SHE: variants seen among roughly 807,000 people sequenced by gnomAD.
SHE encodes SH2 domain-containing adapter protein E.
A neutral mutation model predicts 49.8 loss-of-function variants in SHE; 11 were observed. The observed-to-expected ratio is 0.22, with a 90% CI of 0.14 to 0.37. The LOEUF is 0.37. Ranked by LOEUF, SHE falls within the 10% of genes least tolerant of loss-of-function variation. The pLI is 1.00. For synonymous variants in SHE, 310 were observed against 278.1 expected, an observed-to-expected ratio of 1.11 and a Z score of -1.14; for missense variants, 624 against 655.5, an observed-to-expected ratio of 0.95 and a Z score of 0.52.
chr1:154,499,167 T>A lies in SHE; in HGVS notation c.663A>T (p.Arg221Ser). ...KRTKGQRDAE[R>S]VGENDGYMEP... ...CCATGTAACCGTCGTTCTCTCCGACTCTCTCTGCATCCCTTTGACCCTTTG... is the reference window on the plus strand; with the variant it reads ...CCATGTAACCGTCGTTCTCTCCGACACTCTCTGCATCCCTTTGACCCTTTG... Residue 221 changes from arginine (R) to serine (S), a missense_variant, in exon 2 of 6, where the codon AGA (arginine) becomes AGT (serine). Physicochemically the swap from Arg to Ser is moderately radical, Grantham distance 110. This residue lies in a region of SHE where 337 missense variants were observed against 306.0 expected (regional missense o/e 1.10). Coordinates refer to ENST00000304760, the MANE Select transcript of SHE (RefSeq NM_001010846.3). The A allele has an allele frequency of 6.2e-7, 1 of 1,614,214 alleles. No homozygotes were observed. The highest frequency in any genetic ancestry group is 8.5e-7 in the Non-Finnish European group (1 of 1,180,024).
chr1:154,486,206 A>AACAG, intron 4 of SHE, 144 bp from the exon 5 acceptor site: 1 of 1,172,480 alleles, frequency 8.5e-7, no homozygotes, highest in East Asian at 2.5e-5. Flanking sequence ...TCACATTCAG[A>AACAG]ACAGACAAAA....
chr1:154,484,423 T>C, intron 5 of SHE, 88 bp from the exon 6 acceptor site: 4 of 1,128,086 alleles, frequency 3.5e-6, no homozygotes, highest in Non-Finnish European at 5.2e-6. Flanking sequence ...TCACACTAGG[T>C]TGATAGGTTC....
chr1:154,481,903 G>A lies in SHE; in HGVS notation c.*2246C>T. On this transcript the variant is annotated 3_prime_UTR_variant, in exon 6 of 6. Transcript: ENST00000304760. ...CTCACTCTGTCACTCAGGCTGGAGTGCAATGGTGCGATCATGGCTCGCTGC... is the reference window on the plus strand; with the variant it reads ...CTCACTCTGTCACTCAGGCTGGAGTACAATGGTGCGATCATGGCTCGCTGC... 1.6e-6 allele frequency: 1 copy of A among 634,264 alleles called. No homozygotes were observed. 39.3% of individuals were successfully genotyped at this position (634,264 alleles called of 1,614,324 possible).
Position 154,483,367 on chromosome 1 carries a change from C to T in SHE, c.*782G>A, listed in dbSNP as rs1283100547. The stretch of plus-strand genomic sequence containing the variant: ...GAGGGAGAAAGACCACCTTCTTGCC[C>T]GTCATTCACATTTTCTCCCGCTCAT... On this transcript the variant is annotated 3_prime_UTR_variant, in exon 6 of 6. Coordinates refer to ENST00000304760, the MANE Select transcript of SHE (RefSeq NM_001010846.3). 2.3e-5 allele frequency: 23 copies of T among 985,246 alleles called. No individual in the cohort carries two copies. Among genetic ancestry groups the T allele is most frequent in the East Asian group, 2.3e-4 (2 of 8,828 alleles). The allele number at this position is 985,246 out of a possible 1,614,324, so 61.0% of individuals were successfully genotyped here. A position where few individuals can be genotyped will look rare whatever the true frequency, so the allele number is the denominator to read the frequency against.
Position 154,484,089 on chromosome 1 carries a change from G to GT in SHE, c.*59dup, listed in dbSNP as rs1370254328. 3.8e-6 allele frequency: 6 copies of GT among 1,573,278 alleles called. No homozygotes were observed. The African/African-American group carries it at 8.1e-5, about 21-fold the overall frequency. On this transcript the variant is annotated 3_prime_UTR_variant, in exon 6 of 6. Coordinates refer to ENST00000304760, the MANE Select transcript of SHE (RefSeq NM_001010846.3). ...TCCAGCCTTGTCCTCTGAGATGCTGGTTGTGCGCTGATGATGCCCTTGAAG... is the reference window on the plus strand; with the variant it reads ...TCCAGCCTTGTCCTCTGAGATGCTGGTTTGTGCGCTGATGATGCCCTTGAAG...
downstream of SHE, among the ~76,000 whole-genome samples, chr1:154,476,052 C>T (rs1409362525): frequency 2.0e-5 from 3 of 152,228 alleles, no homozygotes; most frequent in Non-Finnish European, 2.9e-5. Context: ...AGTACACCAT[C>T]TGAAGCAGTC....
At chr1:154,470,234 GGGGCACGGGAGT>G in exon 2 of SHE, 1 of 1,136,964 alleles carries the variant, frequency 8.8e-7, no homozygotes, top group Non-Finnish European at 1.2e-6. Flanking sequence ...GGCCATGGAG[GGGGCACGGGAGT>G]GGGCACTGGA....
Position 154,483,969 on chromosome 1 carries a change from G to A in SHE, c.*180C>T, listed in dbSNP as rs1339164877. On this transcript the variant is annotated 3_prime_UTR_variant, in exon 6 of 6. Coordinates refer to ENST00000304760, the MANE Select transcript of SHE (RefSeq NM_001010846.3). ...GCCAAGATTGCGCCATTGCACTCCA[G>A]CCTGGGCAACACAGCGAGACTTCGT... is the stretch of plus-strand genomic sequence containing the variant. 4 of 1,404,632 alleles carry A rather than the reference G, an allele frequency of 2.8e-6. No homozygotes were observed. Among genetic ancestry groups the A allele is most frequent in the Non-Finnish European group, 3.7e-6 (4 of 1,080,274 alleles). The allele number at this position is 1,404,632 out of a possible 1,614,324, so 87.0% of individuals were successfully genotyped here. A position where few individuals can be genotyped will look rare whatever the true frequency, so the allele number is the denominator to read the frequency against.
downstream of SHE, among the ~76,000 whole-genome samples, chr1:154,478,428 C>CA (rs10594379): frequency 0.012 from 1,319 of 113,308 alleles, 40 homozygotes; most frequent in African/African-American, 0.047. Context: ...ATAAAAAGTG[C>CA]AAAAAAAAAA....
At chr1:154,485,582 A>G (rs1692151224) in intron 5 of SHE, 2 of 169,192 alleles carry the variant, frequency 1.2e-5, no homozygotes, top group South Asian at 1.7e-4. Flanking sequence ...AGTCCCCAAT[A>G]CTAGGGAATA....
chr1:154,481,849 TTTTG>T lies in SHE; in HGVS notation c.*2296_*2299del, dbSNP rs1692026199. 1 of 959,580 alleles carries T rather than the reference TTTTG, an allele frequency of 1.0e-6. No individual in the cohort carries two copies. The highest frequency in any genetic ancestry group is 4.8e-5 in the South Asian group (1 of 20,718). 59.4% of individuals were successfully genotyped at this position (959,580 alleles called of 1,614,324 possible). The stretch of plus-strand genomic sequence containing the variant: ...TCTGAAAAAAACATTCCTTTTGGTT[TTTTG>T]TTTGCTTGCTTGTTGAGACAGGGTC... On this transcript the variant is annotated 3_prime_UTR_variant, in exon 6 of 6. Transcript: ENST00000304760.
chr1:154,488,171 GA>G (rs1266543510), intron 3 of SHE, among the ~76,000 whole-genome samples: 1 of 151,900 alleles, frequency 6.6e-6, no homozygotes, highest in Non-Finnish European at 1.5e-5. Context: ...TCCAGCTCTT[GA>G]CCTCATGATC....
intron 3 of SHE, among the ~76,000 whole-genome samples, chr1:154,487,856 C>CA (rs543109429): frequency 0.21 from 26,386 of 124,088 alleles, 2,621 homozygotes; most frequent in South Asian, 0.26. Flanking sequence ...TCTCAAAAAA[C>CA]AAAAAAAAAA....
intron 2 of SHE, among the ~76,000 whole-genome samples, chr1:154,498,661 G>A (rs1371382533): frequency 6.6e-6 from 1 of 152,080 alleles, no homozygotes; most frequent in Non-Finnish European, 1.5e-5. Context: ...CTCCCAAAGT[G>A]CTGGGATTAT....
Position 154,484,319 on chromosome 1 carries a change from C to T in SHE, c.1318G>A (p.Val440Ile). Residue 440 changes from valine (V) to isoleucine (I), a missense_variant, in exon 6 of 6, where the codon GTC becomes ATC. Val to Ile is a conservative substitution (Grantham distance 29). Transcript: ENST00000304760. ...TTGGTCTGAGCCACTATGATGTGGACACATCCTTGACTAGTCCTGGAATGA... is the reference window on the plus strand; with the variant it reads ...TTGGTCTGAGCCACTATGATGTGGATACATCCTTGACTAGTCCTGGAATGA... The part of the protein sequence containing the change: ...SIALKTSQGC[V>I]HIIVAQTKDN... The T allele has an allele frequency of 6.2e-7, 1 of 1,613,620 alleles. No homozygotes were observed. Among genetic ancestry groups the T allele is most frequent in the Non-Finnish European group, 8.5e-7 (1 of 1,179,574 alleles).
At chr1:154,470,187 CAG>C in exon 2 of SHE, 1 of 551,830 alleles carries the variant, frequency 1.8e-6, no homozygotes, top group Non-Finnish European at 3.0e-6. Context: ...GAAAGTGACA[CAG>C]GGACCAGATG....
intron 1 of SHE, among the ~76,000 whole-genome samples, chr1:154,470,614 T>A (rs560521413): frequency 1.5e-3 from 226 of 152,010 alleles, no homozygotes; most frequent in African/African-American, 4.1e-3. Context: ...CTGAGGTGGG[T>A]GGATCACTTG....
chr1:154,501,870 A>C lies in SHE; in HGVS notation c.157T>G (p.Ser53Ala). The C allele has an allele frequency of 1.3e-6, 2 of 1,535,100 alleles. No homozygotes were observed. Among genetic ancestry groups the C allele is most frequent in the South Asian group, 1.2e-5 (1 of 84,184 alleles). Residue 53 changes from serine (S) to alanine (A), a missense_variant, in exon 1 of 6, where the codon TCG becomes GCG. Physicochemically the swap from Ser to Ala is moderately conservative, Grantham distance 99. This residue lies in a region of SHE where 337 missense variants were observed against 306.0 expected (regional missense o/e 1.10). Coordinates refer to ENST00000304760, the MANE Select transcript of SHE (RefSeq NM_001010846.3). ...CCGCCCCCGGGCTTGGCCCGCTCCG[A>C]CACGGTCTTCAGGTTCAGGGGGAAC... The part of the protein sequence containing the change: ...KEFPLNLKTV[S>A]ERAKPGGGGG...
chr1:154,473,251 C>T (rs1398606005), intron 1 of SHE, among the ~76,000 whole-genome samples: 2 of 152,138 alleles, frequency 1.3e-5, no homozygotes, highest in East Asian at 3.9e-4. Context: ...CCGCCTGTCT[C>T]AGCCTCCCAA....
Sources: gnomAD v4.1 joint callset for allele counts (sites outside exome capture counted in the v4.1 genomes callset) on GRCh38, gnomAD v4.1.1 for gene constraint, gnomAD v4.1.1 regional missense constraint, MANE v1.5 for transcripts, NCBI Gene and HGNC (gene_info 2026-07-23, HGNC 2026-07-21) for gene names.